CACUL1: variants seen among roughly 807,000 people sequenced by gnomAD.
The protein encoded by CACUL1 is CDK2-associated and cullin domain-containing protein 1.
CACUL1 carries 13 observed loss-of-function variants against 45.2 expected under a neutral mutation model. The observed-to-expected ratio is 0.29, with a 90% CI of 0.19 to 0.46. The LOEUF (loss-of-function observed/expected upper bound fraction) is 0.46. Among genes scored for constraint, CACUL1 ranks in the 20% least tolerant of loss-of-function variants. CACUL1 has a pLI of 1.00. For synonymous variants in CACUL1, 197 were observed against 174.2 expected (o/e 1.13, Z -1.03); for missense variants, 421 against 471.4 (o/e 0.89, Z 0.99).
intron 1 of CACUL1, among the ~76,000 whole-genome samples, chr10:118,735,575 C>T (rs1202175464): frequency 1.3e-5 from 2 of 152,226 alleles, no homozygotes; most frequent in Non-Finnish European, 2.9e-5. Context: ...AATGCTTCAG[C>T]AGCCCTGGAC....
rs550313493 is a variant in CACUL1 at position 118,686,309 on chromosome 10, G to T, written c.1070-141C>A. 105 of 730,508 alleles carry T rather than the reference G, an allele frequency of 1.4e-4. 1 individual carries two copies. The highest frequency in any genetic ancestry group is 9.5e-4 in the South Asian group (55 of 58,188). 45.3% of individuals were successfully genotyped at this position (730,508 alleles called of 1,614,324 possible). A position where few individuals can be genotyped will look rare whatever the true frequency, so the allele number is the denominator to read the frequency against. On this transcript the variant is annotated intron_variant, in intron 8 of 8. Transcript: ENST00000369151. ...TTAAAAAAAATCCTCAAAACCATGT[G>T]GGGTGGAGGGAAGTAAAAGGGGACT...
At chr10:118,750,783 T>C (rs1001235473) in intron 1 of CACUL1, among the ~76,000 whole-genome samples, 5 of 107,070 alleles carry the variant, frequency 4.7e-5, no homozygotes, top group South Asian at 3.4e-4. Flanking sequence ...TTCATTCAGC[T>C]TTCTAATTTT....
At chr10:118,745,636 GA>G (rs1564839911) in intron 1 of CACUL1, among the ~76,000 whole-genome samples, 1 of 152,054 alleles carries the variant, frequency 6.6e-6, no homozygotes, top group Non-Finnish European at 1.5e-5. Flanking sequence ...AAAAGTGCAA[GA>G]CAATATGATT....
chr10:118,695,089 GA>G, intron 6 of CACUL1, 51 bp downstream of exon 6: 3 of 1,127,272 alleles, frequency 2.7e-6, no homozygotes, highest in African/African-American at 1.5e-5. Flanking sequence ...TGCCCTCTTG[GA>G]AAAGGCTGTA....
At chr10:118,745,112 A>AT in intron 1 of CACUL1, among the ~76,000 whole-genome samples, 1 of 152,244 alleles carries the variant, frequency 6.6e-6, no homozygotes, top group Non-Finnish European at 1.5e-5. Flanking sequence ...TTTTTACATT[A>AT]TAAGTAAAGT....
In CACUL1 at chr10:118,685,787, T is replaced by C. The variant is rs529040139; in HGVS notation, c.*341A>G. 1.6e-5 allele frequency: 3 copies of C among 190,750 alleles called. No homozygotes were observed. The highest frequency in any genetic ancestry group is 7.0e-5 in the African/African-American group (3 of 42,914). The allele number at this position is 190,750 out of a possible 1,614,324, so 11.8% of individuals were successfully genotyped here. A position where few individuals can be genotyped will look rare whatever the true frequency, so the allele number is the denominator to read the frequency against. ...AAACAAGTGCTTAAAAAAAAAATTC[T>C]TCTGCTCTTATATTTTTGGAGGAAG... On this transcript the variant is annotated 3_prime_UTR_variant, in exon 9 of 9. Coordinates refer to ENST00000369151, the MANE Select transcript of CACUL1 (RefSeq NM_153810.5).
intron 5 of CACUL1, among the ~76,000 whole-genome samples, chr10:118,698,359 G>C (rs528286126): frequency 6.6e-6 from 1 of 152,156 alleles, no homozygotes; most frequent in African/African-American, 2.4e-5. Context: ...GACCAGGCTG[G>C]TCTCGATCTC....
chr10:118,730,736 A>C, intron 1 of CACUL1, among the ~76,000 whole-genome samples: 1 of 152,174 alleles, frequency 6.6e-6, no homozygotes, highest in East Asian at 1.9e-4. Context: ...ACATGCTCTG[A>C]CCCTCAAATA....
Position 118,677,059 on chromosome 10 carries a change from G to C in CACUL1, c.*9069C>G, listed in dbSNP as rs1845105698. 1 of 151,934 alleles carries C rather than the reference G, an allele frequency of 6.6e-6. No homozygotes were observed. Among genetic ancestry groups the C allele is most frequent in the African/African-American group, 2.4e-5 (1 of 41,334 alleles). 9.4% of individuals were successfully genotyped at this position (151,934 alleles called of 1,614,324 possible). On this transcript the variant is annotated 3_prime_UTR_variant, in exon 9 of 9. Coordinates refer to ENST00000369151, the MANE Select transcript of CACUL1 (RefSeq NM_153810.5). ...TTTCTCTTGGTGAATGGTATGATAG[G>C]AATCAGTTTAATGTTCTCTAATTAT...
Position 118,754,543 on chromosome 10 carries a change from G to C in CACUL1, c.220C>G (p.Leu74Val). The C allele has an allele frequency of 6.2e-7, 1 of 1,612,606 alleles. No homozygotes were observed. Among genetic ancestry groups the C allele is most frequent in the Non-Finnish European group, 8.5e-7 (1 of 1,179,486 alleles). ...GGCGGTGGCTGCGGCCCCATCGGGA[G>C]CCCCTCCTTGGGGCCTTTCCTGTCC... is the stretch of plus-strand genomic sequence containing the variant. ...SVDRKGPKEG[L>V]PMGPQPPPEA... Residue 74 changes from leucine (L) to valine (V), a missense_variant, in exon 1 of 9, where the codon CTC becomes GTC. Around this residue, in one of 2 missense-constraint regions of CACUL1, gnomAD observed 213 missense variants for 173.1 expected, o/e 1.23. Transcript: ENST00000369151.
At chr10:118,711,165 C>G (rs923139085) in intron 3 of CACUL1, among the ~76,000 whole-genome samples, 1 of 152,322 alleles carries the variant, frequency 6.6e-6, no homozygotes, top group African/African-American at 2.4e-5. Flanking sequence ...CTGCAACCTC[C>G]GTCTCCCAGG....
intron 4 of CACUL1, 40 bp from the exon 5 acceptor site, chr10:118,701,448 G>T: frequency 8.5e-7 from 1 of 1,169,634 alleles, no homozygotes; most frequent in Non-Finnish European, 1.2e-6. Flanking sequence ...GTATTAATTG[G>T]GGAAATGATT....
At chr10:118,747,876 G>C (rs139212759) in intron 1 of CACUL1, among the ~76,000 whole-genome samples, 1 of 152,252 alleles carries the variant, frequency 6.6e-6, no homozygotes, top group African/African-American at 2.4e-5. Context: ...CTTGGGGCCA[G>C]GAATTCAAGA....
In CACUL1 at chr10:118,677,682, C is replaced by A. The variant is rs1371524621; in HGVS notation, c.*8446G>T. ...TTTCTGAGATGCATCCATGTTGAAG[C>A]CCGCAGTGGTATGATGCCTTGACCA... On this transcript the variant is annotated 3_prime_UTR_variant, in exon 9 of 9. Transcript: ENST00000369151. 6.6e-6 allele frequency: 1 copy of A among 152,194 alleles called. No individual in the cohort carries two copies. The highest frequency in any genetic ancestry group is 1.5e-5 in the Non-Finnish European group (1 of 68,022). The allele number at this position is 152,194 out of a possible 1,614,324, so 9.4% of individuals were successfully genotyped here.
chr10:118,731,239 TAAC>T (rs1405550367), intron 1 of CACUL1, among the ~76,000 whole-genome samples: 2 of 152,076 alleles, frequency 1.3e-5, no homozygotes, highest in African/African-American at 2.4e-5. Context: ...ACCTCAGGAG[TAAC>T]AACAACGAGA....
chr10:118,722,459 T>A (rs1216822258), intron 3 of CACUL1, among the ~76,000 whole-genome samples: 2 of 152,126 alleles, frequency 1.3e-5, no homozygotes, highest in Non-Finnish European at 2.9e-5. Context: ...TCCAGCTCCA[T>A]CCTGCCTGAG....
At chr10:118,739,126 G>A (rs1243336187) in intron 1 of CACUL1, among the ~76,000 whole-genome samples, 4 of 151,686 alleles carry the variant, frequency 2.6e-5, no homozygotes, top group African/African-American at 9.7e-5. Context: ...AACCCGGGAG[G>A]TGGAGCTTGC....
intron 1 of CACUL1, among the ~76,000 whole-genome samples, chr10:118,738,779 A>C (rs1374555326): frequency 6.6e-6 from 1 of 152,024 alleles, no homozygotes; most frequent in Non-Finnish European, 1.5e-5. Context: ...AAAAGCTAAA[A>C]ACAAAGATAA....
intron 7 of CACUL1, among the ~76,000 whole-genome samples, chr10:118,687,808 G>C (rs778009906): frequency 1.3e-5 from 2 of 151,984 alleles, no homozygotes; most frequent in African/African-American, 4.8e-5. Flanking sequence ...CCACTCATAG[G>C]ACTTACTACT....
Sources: allele counts gnomAD v4.1 joint callset (sites outside exome capture counted in the v4.1 genomes callset), GRCh38; gene constraint gnomAD v4.1.1; regional missense constraint gnomAD v4.1.1; transcripts MANE v1.5; gene names NCBI Gene and HGNC (gene_info 2026-07-23, HGNC 2026-07-21).